Variants in PRRC2C observed in about 807,000 individuals in gnomAD.
The protein encoded by PRRC2C is protein PRRC2C.
In PRRC2C, 72 loss-of-function variants were observed where a neutral mutation model predicts 317.2. That is an observed-to-expected ratio of 0.23 (90% CI 0.19 to 0.28). The LOEUF (loss-of-function observed/expected upper bound fraction) is 0.28. Ranked by LOEUF, PRRC2C falls within the 10% of genes least tolerant of loss-of-function variation. The pLI is 1.00. For missense variants in PRRC2C, 3,074 were observed against 3,459.7 expected (o/e 0.89, Z 2.80); for synonymous variants, 1,296 against 1,205.9 (o/e 1.07, Z -1.55).
chr1:171,561,866 C>T (rs1002367583), intron 20 of PRRC2C, among the ~76,000 whole-genome samples: 1 of 152,040 alleles, frequency 6.6e-6, no homozygotes, highest in Non-Finnish European at 1.5e-5. Context: ...TTCATTCATT[C>T]ATTGAATGAA....
intron 20 of PRRC2C, among the ~76,000 whole-genome samples, chr1:171,564,895 A>G (rs777738508): frequency 6.6e-6 from 1 of 152,202 alleles, no homozygotes; most frequent in African/African-American, 2.4e-5. Context: ...GTAAATCTGA[A>G]TTGCATGCGT....
intron 26 of PRRC2C, among the ~76,000 whole-genome samples, 165 bp from the exon 27 acceptor site, chr1:171,579,189 T>A (rs1347874446): frequency 1.3e-5 from 2 of 152,332 alleles, no homozygotes; most frequent in East Asian, 3.9e-4. Context: ...AAGTTTTCCA[T>A]CTTTTCACAT....
At chr1:171,548,509 A>T (rs1679590411) in intron 17 of PRRC2C, among the ~76,000 whole-genome samples, 1 of 152,206 alleles carries the variant, frequency 6.6e-6, no homozygotes, top group Non-Finnish European at 1.5e-5. Flanking sequence ...TTTATTGTAT[A>T]TGTAATTTCC....
chr1:171,547,320 G>A lies in PRRC2C; in HGVS notation c.4972+1633G>A, dbSNP rs577403065. Among the ~76,000 whole-genome samples the A allele has an allele frequency of 1.4e-4, 22 of 152,176 alleles. 1 individual carries two copies. In the South Asian group the frequency reaches 3.3e-3, roughly 23 times the overall value. On this transcript the variant is annotated intron_variant, in intron 17 of 34. Transcript: ENST00000647382. The stretch of plus-strand genomic sequence containing the variant: ...CATTGGAAACTAAAAAGTAGTGTTC[G>A]AATTTTCCATAAATGCTACATGTAG...
intron 34 of PRRC2C, among the ~76,000 whole-genome samples, chr1:171,589,847 G>T (rs1291836963): frequency 6.7e-6 from 1 of 148,728 alleles, no homozygotes; most frequent in Non-Finnish European, 1.5e-5. Flanking sequence ...GTCAGGAAAT[G>T]AATTAATGTC....
At chr1:171,517,836 A>G in intron 6 of PRRC2C, 22 bp downstream of exon 6, 2 of 1,593,450 alleles carry the variant, frequency 1.3e-6, no homozygotes, top group East Asian at 2.2e-5. Context: ...TAAATGAACA[A>G]GCATTCAAAC....
At chr1:171,520,263 A>G (rs1236797975) in intron 6 of PRRC2C, among the ~76,000 whole-genome samples, 2 of 152,100 alleles carry the variant, frequency 1.3e-5, no homozygotes, top group African/African-American at 2.4e-5. Context: ...GTGCCTGGCC[A>G]TTAAACGTTT....
intron 24 of PRRC2C, among the ~76,000 whole-genome samples, chr1:171,574,531 G>A (rs1250416559): frequency 1.3e-5 from 2 of 152,164 alleles, no homozygotes; most frequent in African/African-American, 4.8e-5. Context: ...AACCTATCTT[G>A]TTACCTTGCC....
intron 23 of PRRC2C, among the ~76,000 whole-genome samples, chr1:171,571,103 T>C (rs1370593772): frequency 6.6e-6 from 1 of 152,196 alleles, no homozygotes; most frequent in African/African-American, 2.4e-5. Context: ...ACTTAACGTA[T>C]AAAAAGGCAG....
At position 171,542,203 on chromosome 1, in the gene PRRC2C, C is replaced by T. The variant is rs749106157; in HGVS notation, c.4737C>T (p.Gly1579=). ...FSGPRNERRS[G]PPSKSGKRGP... is the part of the protein sequence containing the mutation. ...GTCCTAGAAATGAAAGGAGAAGTGG[C>T]CCACCATCAAAAAGTGGGAAGAGAG... Residue 1579 remains glycine (G), a synonymous_variant, in exon 16 of 35, where the codon GGC becomes GGT. Coordinates refer to ENST00000647382, the MANE Select transcript of PRRC2C (RefSeq NM_001387844.1). 2.6e-5 allele frequency: 41 copies of T among 1,567,344 alleles called. No homozygotes were observed. The highest frequency in any genetic ancestry group is 4.6e-5 in the East Asian group (2 of 43,912).
intron 34 of PRRC2C, 198 bp from the exon 35 acceptor site, chr1:171,591,389 T>TTTTAAAA: frequency 1.7e-6 from 1 of 594,942 alleles, no homozygotes; most frequent in Non-Finnish European, 2.5e-6. Context: ...TTTTTTTTTT[T>TTTTAAAA]AAATCACATG....
intron 6 of PRRC2C, among the ~76,000 whole-genome samples, chr1:171,518,913 C>T (rs1220535685): frequency 2.2e-5 from 3 of 137,696 alleles, no homozygotes; most frequent in African/African-American, 5.4e-5. Context: ...AACAGAGTCT[C>T]GCTCTGTCAC....
At chr1:171,539,416 A>G (rs866422173) in intron 15 of PRRC2C, among the ~76,000 whole-genome samples, 7 of 152,196 alleles carry the variant, frequency 4.6e-5, no homozygotes, top group Admixed American at 1.3e-4. Context: ...TTATACAGCA[A>G]ATCTCCAGAA....
Position 171,523,436 on chromosome 1 carries a change from T to C in PRRC2C, c.969T>C (p.Gly323=), listed in dbSNP as rs1673975277. The C allele has an allele frequency of 3.7e-6, 6 of 1,613,380 alleles. No homozygotes were observed. In the East Asian group the frequency reaches 1.3e-4, roughly 36 times the overall value. The part of the protein sequence containing the change: ...LDAEADEGWA[G]AQMEVDYTEQ... ...TCTGAGTTTTCCTTAATTTAATAGG[T>C]GCTCAGATGGAAGTAGATTATACAG... Residue 323 remains glycine, a splice_region_variant and synonymous_variant, in exon 9 of 35, where the codon GGT becomes GGC. Coordinates refer to ENST00000647382, the MANE Select transcript of PRRC2C (RefSeq NM_001387844.1).
intron 1 of PRRC2C, among the ~76,000 whole-genome samples, chr1:171,500,162 CAGAA>C (rs1287384628): frequency 6.6e-6 from 1 of 151,982 alleles, no homozygotes; most frequent in Non-Finnish European, 1.5e-5. Flanking sequence ...CCATTGTGGC[CAGAA>C]AGAAAGTTAT....
At chr1:171,576,912 C>A (rs911148140) in intron 25 of PRRC2C, among the ~76,000 whole-genome samples, 2 of 152,166 alleles carry the variant, frequency 1.3e-5, no homozygotes, top group Admixed American at 1.3e-4. Flanking sequence ...TGGTCTTATA[C>A]TCCTGGCCTC....
chr1:171,519,756 A>G (rs1258997965), intron 6 of PRRC2C, among the ~76,000 whole-genome samples: 1 of 152,204 alleles, frequency 6.6e-6, no homozygotes, highest in African/African-American at 2.4e-5. Context: ...TTTAACTCCT[A>G]ATATTTGAAT....
At chr1:171,504,499 C>T (rs1669809333) in intron 1 of PRRC2C, among the ~76,000 whole-genome samples, 2 of 152,296 alleles carry the variant, frequency 1.3e-5, no homozygotes, top group African/African-American at 4.8e-5. Flanking sequence ...ATTATGTACA[C>T]ATAATTGCTC....
chr1:171,585,814 G>A (rs1424148549), intron 30 of PRRC2C, among the ~76,000 whole-genome samples: 1 of 151,968 alleles, frequency 6.6e-6, no homozygotes, highest in Non-Finnish European at 1.5e-5. Flanking sequence ...AGGGTTGAGT[G>A]TCTCTTACCG....
Sources: allele counts gnomAD v4.1 joint callset (sites outside exome capture counted in the v4.1 genomes callset), GRCh38; gene constraint gnomAD v4.1.1; transcripts MANE v1.5; gene names NCBI Gene and HGNC (gene_info 2026-07-23, HGNC 2026-07-21).